The following MAMDC2 variants were observed in gnomAD, a reference collection of about 807,000 sequenced individuals.
MAMDC2 encodes MAM domain containing 2, also known as MAM domain-containing protein 2.
Under a neutral mutation model 89.8 loss-of-function variants are expected in MAMDC2, and 57 were observed. The observed-to-expected ratio is 0.63, with a 90% CI of 0.51 to 0.79. The LOEUF (loss-of-function observed/expected upper bound fraction) is 0.79, where lower values mean the gene tolerates loss of function less well. MAMDC2 is among the 30% of genes least tolerant of loss of function. MAMDC2 has a pLI of 0.00. For synonymous variants in MAMDC2, 313 were observed against 293.4 expected, an observed-to-expected ratio of 1.07 and a Z score of -0.68; for missense variants, 800 against 820.6, an observed-to-expected ratio of 0.97 and a Z score of 0.31.
At chr9:70,131,458 G>T in intron 6 of MAMDC2, 61 bp from the exon 7 acceptor site, 1 of 1,114,950 alleles carries the variant, frequency 9.0e-7, no homozygotes. Flanking sequence ...AAATCATTAA[G>T]AGCACTTAAG....
At chr9:70,166,274 T>TACACACACACAC (rs761917593) in intron 9 of MAMDC2, among the ~76,000 whole-genome samples, 1 of 49,600 alleles carries the variant, frequency 2.0e-5, no homozygotes, top group South Asian at 6.0e-4. Context: ...TATATATATA[T>TACACACACACAC]ATACACACAC....
At chr9:70,143,485 C>T in intron 8 of MAMDC2, 69 bp from the exon 9 acceptor site, 1 of 1,539,382 alleles carries the variant, frequency 6.5e-7, no homozygotes. Flanking sequence ...CTACTTTAAT[C>T]ATATTTTACC....
chr9:70,081,097 G>A (rs192714466), intron 2 of MAMDC2, among the ~76,000 whole-genome samples: 2 of 152,278 alleles, frequency 1.3e-5, no homozygotes, highest in East Asian at 3.9e-4. Context: ...ATTTTTGAGA[G>A]TCTGGCTGAA....
chr9:70,147,683 A>T (rs1038825835), intron 9 of MAMDC2, among the ~76,000 whole-genome samples: 3 of 150,028 alleles, frequency 2.0e-5, no homozygotes, highest in Non-Finnish European at 4.4e-5. Context: ...ATACACAATT[A>T]CTGAACTTTC....
chr9:70,114,943 G>A (rs570890619), intron 5 of MAMDC2, among the ~76,000 whole-genome samples: 2 of 152,270 alleles, frequency 1.3e-5, no homozygotes, highest in South Asian at 2.1e-4. Flanking sequence ...TTTCGGGGAT[G>A]GGTATGATTT....
intron 5 of MAMDC2, among the ~76,000 whole-genome samples, chr9:70,115,001 A>G (rs1469550598): frequency 1.3e-5 from 2 of 152,190 alleles, no homozygotes; most frequent in Admixed American, 6.5e-5. Flanking sequence ...TGGTTGTGCT[A>G]CAAGGGGTGG....
chr9:70,140,040 G>T, intron 7 of MAMDC2, 105 bp from the exon 8 acceptor site: 5 of 1,188,962 alleles, frequency 4.2e-6, no homozygotes, highest in South Asian at 2.0e-5. Flanking sequence ...TTACTTCTTC[G>T]GTCTCCCCTG....
chr9:70,089,996 C>T (rs1054567154), intron 2 of MAMDC2, among the ~76,000 whole-genome samples: 12 of 152,034 alleles, frequency 7.9e-5, no homozygotes, highest in East Asian at 5.8e-4. Context: ...AATCAAAAAA[C>T]GAATGAACTA....
intron 2 of MAMDC2, chr9:70,088,923 C>G (rs532046005): frequency 6.6e-6 from 1 of 151,988 alleles, no homozygotes; most frequent in Non-Finnish European, 1.5e-5. Flanking sequence ...AAATCTGAGA[C>G]CATGCTTTAC....
rs202242861 is a variant in MAMDC2, at chr9:70,108,380, T to C, written c.318T>C (p.Phe106=). ...GCCAGCTGAACCTCTACATGAGATT[T>C]GAAGATGAAAGCTTTGATCGCTTGC... is the stretch of plus-strand genomic sequence containing the variant. The part of the protein sequence containing the change: ...DPSQLNLYMR[F]EDESFDRLLW... The change falls in exon 3 of 14, where the codon TTT becomes TTC. Residue 106 remains phenylalanine, a synonymous_variant. Coordinates refer to ENST00000377182, the MANE Select transcript of MAMDC2 (RefSeq NM_153267.5). 2 of 1,614,108 alleles carry C rather than the reference T, an allele frequency of 1.2e-6. No individual in the cohort carries two copies. The highest frequency in any genetic ancestry group is 4.5e-5 in the East Asian group (2 of 44,860).
At chr9:70,050,650 C>T (rs1202553484) in intron 2 of MAMDC2, among the ~76,000 whole-genome samples, 1 of 152,180 alleles carries the variant, frequency 6.6e-6, no homozygotes, top group African/African-American at 2.4e-5. Flanking sequence ...CTTGATGTGT[C>T]TTTTATCAAC....
intron 2 of MAMDC2, among the ~76,000 whole-genome samples, chr9:70,075,802 T>A (rs895671030): frequency 1.3e-5 from 2 of 152,190 alleles, no homozygotes; most frequent in African/African-American, 4.8e-5. Context: ...GCACCCCAAG[T>A]GTCTAGCAAA....
At chr9:70,055,130 A>G (rs1333950818) in intron 2 of MAMDC2, among the ~76,000 whole-genome samples, 1 of 152,208 alleles carries the variant, frequency 6.6e-6, no homozygotes, top group Admixed American at 6.5e-5. Context: ...ATGTTACTGT[A>G]TAATATATTC....
intron 5 of MAMDC2, among the ~76,000 whole-genome samples, chr9:70,121,634 T>C (rs1368730819): frequency 1.3e-5 from 2 of 152,006 alleles, no homozygotes; most frequent in Non-Finnish European, 2.9e-5. Context: ...TATCCAGTGA[T>C]TTGGCAGATT....
chr9:70,048,287 C>G (rs541512394), intron 2 of MAMDC2, among the ~76,000 whole-genome samples: 1 of 152,192 alleles, frequency 6.6e-6, no homozygotes, highest in East Asian at 1.9e-4. Flanking sequence ...TTTGTTTTGT[C>G]TCTTTCAGAA....
intron 5 of MAMDC2, among the ~76,000 whole-genome samples, chr9:70,125,584 G>A (rs2030494947): frequency 6.6e-6 from 1 of 152,154 alleles, no homozygotes; most frequent in Admixed American, 6.5e-5. Flanking sequence ...TTTCAGTGTC[G>A]ATTGACTTGC....
chr9:70,064,659 C>A (rs1047539579), intron 2 of MAMDC2, among the ~76,000 whole-genome samples: 1 of 152,134 alleles, frequency 6.6e-6, no homozygotes, highest in Non-Finnish European at 1.5e-5. Context: ...TCCATCCATG[C>A]CATGTGCCTC....
At chr9:70,214,948 G>A (rs2033417628) in intron 11 of MAMDC2, among the ~76,000 whole-genome samples, 1 of 152,190 alleles carries the variant, frequency 6.6e-6, no homozygotes, top group South Asian at 2.1e-4. Flanking sequence ...AAGTGGAGAT[G>A]TCCATTAGAC....
At position 70,173,431 on chromosome 9, in the gene MAMDC2, TTAA is replaced by T. The variant is rs1472091809; in HGVS notation, c.1651+2807_1651+2809del. On this transcript the variant is annotated intron_variant, in intron 11 of 13. Transcript: ENST00000377182. ...AATCTATAAACCTTCACTGACACAT[TTAA>T]TAATAACTAACCAATTAATTATTGA... Among the ~76,000 whole-genome samples the T allele has an allele frequency of 6.6e-5, 10 of 152,284 alleles. No homozygotes were observed. The East Asian group carries it at 1.5e-3, about 23-fold the overall frequency.
Sources: allele counts gnomAD v4.1 joint callset (sites outside exome capture counted in the v4.1 genomes callset), GRCh38; gene constraint gnomAD v4.1.1; transcripts MANE v1.5; gene names NCBI Gene and HGNC (gene_info 2026-07-23, HGNC 2026-07-21).